OXCT1: variants seen among roughly 807,000 people sequenced by gnomAD.
OXCT1 encodes succinyl-CoA:3-ketoacid coenzyme A transferase 1, mitochondrial.
In OXCT1, 27 loss-of-function variants were observed where a neutral mutation model predicts 69.6. That is an observed-to-expected ratio of 0.39 (90% CI 0.29 to 0.54). The LOEUF is 0.54. Among genes scored for constraint, OXCT1 ranks in the 20% least tolerant of loss-of-function variants. OXCT1 has a pLI of 0.72. For synonymous variants in OXCT1, 202 were observed against 217.8 expected (o/e 0.93, Z 0.64); for missense variants, 437 against 650.2 (o/e 0.67, Z 3.57).
At chr5:41,785,560 G>A (rs911577073) in intron 13 of OXCT1, among the ~76,000 whole-genome samples, 6 of 152,118 alleles carry the variant, frequency 3.9e-5, no homozygotes, top group Admixed American at 2.0e-4. Context: ...AAATAGGGAG[G>A]ATTAATGGCA....
At chr5:41,842,425 T>C (rs1748671167) in intron 6 of OXCT1, among the ~76,000 whole-genome samples, 1 of 152,218 alleles carries the variant, frequency 6.6e-6, no homozygotes, top group African/African-American at 2.4e-5. Flanking sequence ...AACAACTGCA[T>C]GTGCCTATAT....
intron 7 of OXCT1, among the ~76,000 whole-genome samples, chr5:41,823,693 G>T (rs1458889109): frequency 2.0e-5 from 3 of 152,158 alleles, no homozygotes; most frequent in Non-Finnish European, 1.5e-5. Flanking sequence ...GGCACGTTAG[G>T]CCTGAAATTG....
intron 5 of OXCT1, chr5:41,843,661 C>T: frequency 2.2e-6 from 1 of 452,754 alleles, no homozygotes; most frequent in Non-Finnish European, 4.4e-6. Context: ...CAAAATGGAG[C>T]CATGTGAATG....
chr5:41,866,183 G>A (rs1209654222), intron 1 of OXCT1, among the ~76,000 whole-genome samples: 2 of 152,118 alleles, frequency 1.3e-5, no homozygotes, highest in Non-Finnish European at 2.9e-5. Context: ...CTCTACCAGG[G>A]CAGTAAGACC....
intron 13 of OXCT1, among the ~76,000 whole-genome samples, chr5:41,786,203 C>A (rs1745635823): frequency 6.6e-6 from 1 of 152,100 alleles, no homozygotes; most frequent in Non-Finnish European, 1.5e-5. Context: ...CAGGAGGAAC[C>A]AAGAAGGGGG....
At chr5:41,807,801 A>G (rs561942906) in intron 7 of OXCT1, among the ~76,000 whole-genome samples, 17 of 152,078 alleles carry the variant, frequency 1.1e-4, no homozygotes, top group Non-Finnish European at 2.1e-4. Flanking sequence ...TTCCTTAAAC[A>G]CAGATTTTCT....
chr5:41,804,710 G>C (rs1330664163), intron 9 of OXCT1, among the ~76,000 whole-genome samples: 1 of 152,020 alleles, frequency 6.6e-6, no homozygotes, highest in Non-Finnish European at 1.5e-5. Flanking sequence ...AAATGAGGTA[G>C]AGGTAAAAAG....
Position 41,870,191 on chromosome 5 carries a change from G to A in OXCT1, c.78+90C>T, listed in dbSNP as rs1750222385. 14 of 984,254 alleles carry A rather than the reference G, an allele frequency of 1.4e-5. No individual in the cohort carries two copies. Among genetic ancestry groups the A allele is most frequent in the Non-Finnish European group, 2.3e-5 (14 of 619,922 alleles). 61.0% of individuals were successfully genotyped at this position (984,254 alleles called of 1,614,324 possible). Reference sequence around the variant, plus strand: ...TGCCAGATCCCAGGCTGGAGAGAGCGGGTAGGGGCAGAGAAGAAAACGCGG... The same window carrying A: ...TGCCAGATCCCAGGCTGGAGAGAGCAGGTAGGGGCAGAGAAGAAAACGCGG... On this transcript the variant is annotated intron_variant, in intron 1 of 16. Coordinates refer to ENST00000196371, the MANE Select transcript of OXCT1 (RefSeq NM_000436.4). The surrounding 1 kb of genome is among the most constrained non-coding windows in gnomAD (Gnocchi z 4.2).
intron 7 of OXCT1, among the ~76,000 whole-genome samples, chr5:41,818,491 C>A (rs1392063524): frequency 2.0e-5 from 3 of 151,998 alleles, no homozygotes; most frequent in African/African-American, 7.2e-5. Flanking sequence ...GCTAACTGAA[C>A]AAAAAAGGAA....
At chr5:41,784,964 A>T (rs1246773860) in intron 13 of OXCT1, among the ~76,000 whole-genome samples, 1 of 152,208 alleles carries the variant, frequency 6.6e-6, no homozygotes, top group Non-Finnish European at 1.5e-5. Context: ...GGGTGTAAAT[A>T]AGGAAACTAA....
Position 41,870,415 on chromosome 5 carries a change from TGC to T in OXCT1, c.-59_-58del. On this transcript the variant is annotated 5_prime_UTR_variant, in exon 1 of 17. Coordinates refer to ENST00000196371, the MANE Select transcript of OXCT1 (RefSeq NM_000436.4). The surrounding 1 kb of genome is among the most constrained non-coding windows in gnomAD (Gnocchi z 4.2). ...GTTGGAGCGCGCGTTTGAGCGTCGGTGCGCGACTGCGAAGGAAACCCGGGCGG... is the reference window on the plus strand; with the variant it reads ...GTTGGAGCGCGCGTTTGAGCGTCGGTGCGACTGCGAAGGAAACCCGGGCGG... 7.5e-7 allele frequency: 1 copy of T among 1,340,908 alleles called. No individual in the cohort carries two copies. The highest frequency in any genetic ancestry group is 1.1e-6 in the Non-Finnish European group (1 of 943,480). The allele number at this position is 1,340,908 out of a possible 1,614,324, so 83.1% of individuals were successfully genotyped here.
intron 13 of OXCT1, among the ~76,000 whole-genome samples, chr5:41,779,193 A>G (rs1283957134): frequency 6.6e-6 from 1 of 152,208 alleles, no homozygotes; most frequent in African/African-American, 2.4e-5. Context: ...CCCATTACAT[A>G]GTAGCATCTT....
At chr5:41,847,243 C>A (rs926518907) in intron 5 of OXCT1, among the ~76,000 whole-genome samples, 4 of 151,960 alleles carry the variant, frequency 2.6e-5, no homozygotes, top group South Asian at 2.1e-4. Context: ...GAAGTTGAAT[C>A]TCTGAATAGA....
chr5:41,821,110 C>T (rs1319872276), intron 7 of OXCT1, among the ~76,000 whole-genome samples: 1 of 152,176 alleles, frequency 6.6e-6, no homozygotes, highest in African/African-American at 2.4e-5. Context: ...CCCCAAGCAA[C>T]TCTGAAAGTA....
At chr5:41,838,346 T>C (rs1447154483) in intron 7 of OXCT1, among the ~76,000 whole-genome samples, 1 of 152,180 alleles carries the variant, frequency 6.6e-6, no homozygotes, top group Non-Finnish European at 1.5e-5. Context: ...TTCTTACAAT[T>C]CAATCTATGG....
chr5:41,848,346 G>A (rs1241770977), intron 5 of OXCT1, among the ~76,000 whole-genome samples: 2 of 148,428 alleles, frequency 1.3e-5, no homozygotes, highest in Admixed American at 1.3e-4. Context: ...TCGTGAAAAT[G>A]GCCATACTGC....
At chr5:41,807,545 A>G in intron 7 of OXCT1, 107 bp from the exon 8 acceptor site, 1 of 699,292 alleles carries the variant, frequency 1.4e-6, no homozygotes, top group Admixed American at 2.0e-5. Context: ...CTGCAAACAT[A>G]TGACGGAATA....
At position 41,859,864 on chromosome 5, in the gene OXCT1, A is replaced by AATATATATATATATAT. The variant is rs3050894; in HGVS notation, c.278+1434_278+1449dup. ...AACTATTATACCTGACTAGTATAGT[A>AATATATATATATATAT]ATATATATATATATATATATATGTA... On this transcript the variant is annotated intron_variant, in intron 3 of 16. Transcript: ENST00000196371. Among the ~76,000 whole-genome samples, 347 of 119,940 alleles carry AATATATATATATATAT rather than the reference A, an allele frequency of 2.9e-3. 2 individuals carry two copies. Among genetic ancestry groups the AATATATATATATATAT allele is most frequent in the South Asian group, 6.1e-3 (21 of 3,424 alleles). The allele number at this position is 119,940 out of a possible 152,430, so 78.7% of individuals were successfully genotyped here.
At chr5:41,742,839 T>C (rs1166337773) in intron 15 of OXCT1, among the ~76,000 whole-genome samples, 2 of 152,234 alleles carry the variant, frequency 1.3e-5, no homozygotes, top group South Asian at 2.1e-4. Flanking sequence ...TAGTATTCCA[T>C]GGTGTATATG....
Sources: allele counts gnomAD v4.1 joint callset (sites outside exome capture counted in the v4.1 genomes callset), GRCh38; gene constraint gnomAD v4.1.1; non-coding constraint Gnocchi (gnomAD v3.1); transcripts MANE v1.5; gene names NCBI Gene and HGNC (gene_info 2026-07-23, HGNC 2026-07-21).